The following FBXL17 variants were observed in gnomAD, a reference collection of about 807,000 sequenced individuals.
FBXL17 encodes F-box and leucine rich repeat protein 17.
FBXL17 carries 22 observed loss-of-function variants against 66.2 expected under a neutral mutation model. That is an observed-to-expected ratio of 0.33 (90% CI 0.24 to 0.47). FBXL17 has a LOEUF of 0.47. Ranked by LOEUF, FBXL17 falls within the 20% of genes least tolerant of loss-of-function variation. The pLI is 1.00. For missense variants in FBXL17, 878 were observed against 948.2 expected (o/e 0.93, Z 0.97); for synonymous variants, 474 against 400.5 (o/e 1.18, Z -2.19).
At chr5:108,013,594 T>C (rs918831571) in intron 7 of FBXL17, among the ~76,000 whole-genome samples, 3 of 152,194 alleles carry the variant, frequency 2.0e-5, no homozygotes, top group Non-Finnish European at 2.9e-5. Context: ...CAGAAAATTT[T>C]ACATGGTTTC....
chr5:107,878,321 C>T, intron 8 of FBXL17: 1 of 929,402 alleles, frequency 1.1e-6, no homozygotes, highest in Non-Finnish European at 1.3e-6. Context: ...TCCAGTATCA[C>T]AACACAGGTT....
intron 7 of FBXL17, among the ~76,000 whole-genome samples, chr5:107,884,827 C>G (rs1199121756): frequency 6.6e-6 from 1 of 152,154 alleles, no homozygotes; most frequent in African/African-American, 2.4e-5. Context: ...AGTGAGATGA[C>G]AGATGTAAGG....
intron 4 of FBXL17, among the ~76,000 whole-genome samples, chr5:108,346,264 C>T (rs1747274320): frequency 2.6e-5 from 4 of 151,856 alleles, no homozygotes; most frequent in Admixed American, 2.6e-4. Context: ...ATGGGAAGAA[C>T]TGTAGTGAAT....
intron 3 of FBXL17, among the ~76,000 whole-genome samples, chr5:108,363,239 G>A (rs889085496): frequency 5.3e-5 from 8 of 151,862 alleles, no homozygotes; most frequent in Non-Finnish European, 8.8e-5. Flanking sequence ...GATGTGTATT[G>A]TTTCATAAAA....
chr5:108,169,082 G>T (rs1752514325), intron 6 of FBXL17, among the ~76,000 whole-genome samples: 1 of 152,018 alleles, frequency 6.6e-6, no homozygotes, highest in Non-Finnish European at 1.5e-5. Context: ...TGCCTGTCAG[G>T]GCCTGCTTGG....
intron 6 of FBXL17, among the ~76,000 whole-genome samples, chr5:108,159,039 C>A (rs1752106297): frequency 6.6e-6 from 1 of 152,008 alleles, no homozygotes; most frequent in Non-Finnish European, 1.5e-5. Context: ...ATGTTTCTGA[C>A]AAGTGAGTGG....
chr5:108,009,292 T>TAGATAGATAGATAGATAGATAG lies in FBXL17; in HGVS notation c.1822+11632_1822+11633insCTATCTATCTATCTATCTATCT, dbSNP rs1182877374. On this transcript the variant is annotated intron_variant, in intron 7 of 8. Coordinates refer to ENST00000542267, the MANE Select transcript of FBXL17 (RefSeq NM_001163315.3). ...ATATATATATATATATATATATATATATATATATACATATATACATACACA... is the reference window on the plus strand; with the variant it reads ...ATATATATATATATATATATATATATAGATAGATAGATAGATAGATAGATATATATACATATATACATACACA... Among the ~76,000 whole-genome samples, 145 of 35,922 alleles carry TAGATAGATAGATAGATAGATAG rather than the reference T, an allele frequency of 4.0e-3. 14 individuals carry two copies. Among genetic ancestry groups the TAGATAGATAGATAGATAGATAG allele is most frequent in the African/African-American group, 9.1e-3 (110 of 12,154 alleles). The allele number at this position is 35,922 out of a possible 152,430, so 23.6% of individuals were successfully genotyped here.
rs1034196586 is a variant in FBXL17, at chr5:107,994,699, G to A, written c.1822+26226C>T. ...CCAAAAATACAAAACTTAGCCAGGC[G>A]CGGTGGCAGGTGCCTATAATCCCAG... On this transcript the variant is annotated intron_variant, in intron 7 of 8. Coordinates refer to ENST00000542267, the MANE Select transcript of FBXL17 (RefSeq NM_001163315.3). 4.6e-5 allele frequency among the ~76,000 whole-genome samples: 7 copies of A among 151,996 alleles called. No individual in the cohort carries two copies. In the East Asian group the frequency reaches 9.7e-4, roughly 21 times the overall value.
At chr5:108,170,114 A>G (rs1315399966) in intron 6 of FBXL17, among the ~76,000 whole-genome samples, 2 of 152,226 alleles carry the variant, frequency 1.3e-5, no homozygotes, top group Non-Finnish European at 2.9e-5. Flanking sequence ...GCACAATACA[A>G]TATTAAAATC....
chr5:108,204,089 C>A (rs1027196448), intron 5 of FBXL17, among the ~76,000 whole-genome samples: 1 of 152,008 alleles, frequency 6.6e-6, no homozygotes, highest in Non-Finnish European at 1.5e-5. Context: ...CAAACCCATA[C>A]GCAACACATC....
chr5:108,072,399 G>A (rs1050090135), intron 6 of FBXL17, among the ~76,000 whole-genome samples: 2 of 152,152 alleles, frequency 1.3e-5, no homozygotes, highest in African/African-American at 4.8e-5. Flanking sequence ...GGGCACAATC[G>A]ACAGAAACGT....
At chr5:108,368,232 A>T (rs985549797) in intron 1 of FBXL17, among the ~76,000 whole-genome samples, 4 of 148,604 alleles carry the variant, frequency 2.7e-5, no homozygotes, top group Admixed American at 6.7e-5. Flanking sequence ...GCTTATATTT[A>T]AAAAAAAAAG....
chr5:107,872,002 G>C (rs1422805833), intron 8 of FBXL17, among the ~76,000 whole-genome samples: 1 of 152,098 alleles, frequency 6.6e-6, no homozygotes. Flanking sequence ...TAATCAGCAA[G>C]TGCACACTTG....
chr5:108,090,277 G>A (rs1013738826), intron 6 of FBXL17, among the ~76,000 whole-genome samples: 1 of 152,058 alleles, frequency 6.6e-6, no homozygotes, highest in African/African-American at 2.4e-5. Flanking sequence ...ATTTGATTAT[G>A]GCATACCACA....
intron 6 of FBXL17, among the ~76,000 whole-genome samples, chr5:108,107,709 G>T (rs867743716): frequency 6.6e-6 from 1 of 151,628 alleles, no homozygotes; most frequent in Admixed American, 6.6e-5. Flanking sequence ...CTACTCAGGA[G>T]GCTGAGGCAG....
chr5:108,057,247 C>G (rs902981923), intron 6 of FBXL17, among the ~76,000 whole-genome samples: 1 of 152,158 alleles, frequency 6.6e-6, no homozygotes, highest in Admixed American at 6.5e-5. Flanking sequence ...AAGTTCACAT[C>G]AGAAATTAAT....
intron 4 of FBXL17, among the ~76,000 whole-genome samples, chr5:108,304,939 AC>A (rs1403188879): frequency 3.2e-4 from 49 of 151,996 alleles, no homozygotes; most frequent in Non-Finnish European, 2.5e-4. Flanking sequence ...CTACAATAAA[AC>A]TTTTGTATTA....
intron 4 of FBXL17, among the ~76,000 whole-genome samples, chr5:108,245,501 T>G (rs1456724822): frequency 6.6e-6 from 1 of 152,214 alleles, no homozygotes; most frequent in African/African-American, 2.4e-5. Context: ...TATACATTTT[T>G]CATCATGTCA....
Position 108,205,264 on chromosome 5 carries a change from TTTC to T in FBXL17, c.1614+18854_1614+18856del, listed in dbSNP as rs563949669. ...TTATTGGCCTATGCACTTTTATCTTTTTCTTGTTTTTAGTCCCTTTGTAATATT... is the reference window on the plus strand; with the variant it reads ...TTATTGGCCTATGCACTTTTATCTTTTTGTTTTTAGTCCCTTTGTAATATT... On this transcript the variant is annotated intron_variant, in intron 5 of 8. Transcript: ENST00000542267. 2.6e-3 allele frequency among the ~76,000 whole-genome samples: 393 copies of T among 152,274 alleles called. 4 individuals carry two copies. Among genetic ancestry groups the T allele is most frequent in the African/African-American group, 8.4e-3 (349 of 41,554 alleles).
Sources: gnomAD v4.1 joint callset for allele counts (sites outside exome capture counted in the v4.1 genomes callset) on GRCh38, gnomAD v4.1.1 for gene constraint, MANE v1.5 for transcripts, NCBI Gene and HGNC (gene_info 2026-07-23, HGNC 2026-07-21) for gene names.